THEM5: variants seen among roughly 807,000 people sequenced by gnomAD.
THEM5 encodes the protein thioesterase superfamily member 5.
A neutral mutation model predicts 24.2 loss-of-function variants in THEM5; 28 were observed. That is an observed-to-expected ratio of 1.16 (90% CI 0.86 to 1.59). The LOEUF (loss-of-function observed/expected upper bound fraction) is 1.59. THEM5 is among the 40% of genes most tolerant of loss of function. THEM5 has a pLI of 0.00. For missense variants in THEM5, 260 were observed against 296.8 expected (o/e 0.88, Z 0.91); for synonymous variants, 87 against 114.5 (o/e 0.76, Z 1.53).
Position 151,851,052 on chromosome 1 carries a change from C to G in THEM5, c.464+1G>C. The G allele has an allele frequency of 1.2e-6, 2 of 1,614,134 alleles. No individual in the cohort carries two copies. Among genetic ancestry groups the G allele is most frequent in the Middle Eastern group, 1.6e-4 (1 of 6,062 alleles). ...AGCCAAGGTCCTACCAGTGACCTTA[C>G]CCTGGGGGCCCCTCCAGGTAGGAGC... On this transcript the variant is annotated splice_donor_variant, in intron 3 of 5. Transcript: ENST00000368817. LOFTEE classifies it high-confidence loss of function.
chr1:151,853,266 A>G (rs1475153962), intron 1 of THEM5, among the ~76,000 whole-genome samples, 177 bp downstream of exon 1: 2 of 152,200 alleles, frequency 1.3e-5, no homozygotes, highest in African/African-American at 4.8e-5. Flanking sequence ...TGGTAGTTTT[A>G]GTTTTGAATG....
Position 151,853,607 on chromosome 1 carries a change from T to C in THEM5, c.-42A>G, listed in dbSNP as rs557525184. 1 of 1,579,226 alleles carries C rather than the reference T, an allele frequency of 6.3e-7. No individual in the cohort carries two copies. The highest frequency in any genetic ancestry group is 1.2e-5 in the South Asian group (1 of 85,414). Reference sequence around the variant, plus strand: ...CCAGCCCTGCTTGGATGGAGGGTCTTGGCTGACTCCCAAGGAGTGCTTTCA... The same window carrying C: ...CCAGCCCTGCTTGGATGGAGGGTCTCGGCTGACTCCCAAGGAGTGCTTTCA... On this transcript the variant is annotated 5_prime_UTR_variant, in exon 1 of 6. Coordinates refer to ENST00000368817, the MANE Select transcript of THEM5 (RefSeq NM_182578.4).
intron 5 of THEM5, 89 bp from the exon 6 acceptor site, chr1:151,847,503 C>A: frequency 6.4e-7 from 1 of 1,556,178 alleles, no homozygotes; most frequent in Non-Finnish European, 8.9e-7. Flanking sequence ...TGCAAATTAC[C>A]CATTACCTGG....
At chr1:151,852,219 G>A in intron 2 of THEM5, 39 bp downstream of exon 2, 1 of 1,596,410 alleles carries the variant, frequency 6.3e-7, no homozygotes, top group Middle Eastern at 2.2e-4. Context: ...ACACAGGGAA[G>A]GGCGGCTGGG....
At chr1:151,847,912 A>G (rs774331722) in intron 4 of THEM5, 50 bp from the exon 5 acceptor site, 24 of 1,610,290 alleles carry the variant, frequency 1.5e-5, no homozygotes, top group East Asian at 8.9e-5. Flanking sequence ...CCGGTTCCCC[A>G]TCCCTTCACT....
chr1:151,848,541 C>A (rs1012755221), intron 3 of THEM5, among the ~76,000 whole-genome samples: 1 of 152,238 alleles, frequency 6.6e-6, no homozygotes, highest in African/African-American at 2.4e-5. Flanking sequence ...GCCAATGATA[C>A]AACATTTTAT....
At position 151,851,097 on chromosome 1, in the gene THEM5, C is replaced by T. The variant is rs762789735; in HGVS notation, c.420G>A (p.Ser140=). The part of the protein sequence containing the change: ...VIFFQPTQKK[S]VCLFQPGSYL... The stretch of plus-strand genomic sequence containing the variant: ...AGGAGCCTGGTTGGAAAAGACAGAC[C>T]GACTTCTTCTGGGTTGGCTGGAAAA... The change falls in exon 3 of 6, where the codon TCG becomes TCA. Residue 140 remains serine (S), a synonymous_variant. Coordinates refer to ENST00000368817, the MANE Select transcript of THEM5 (RefSeq NM_182578.4). 2.7e-5 allele frequency: 43 copies of T among 1,614,042 alleles called. No homozygotes were observed. The highest frequency in any genetic ancestry group is 1.1e-4 in the South Asian group (10 of 91,086).
intron 3 of THEM5, among the ~76,000 whole-genome samples, chr1:151,850,837 T>C (rs1304829813): frequency 6.6e-6 from 1 of 152,202 alleles, no homozygotes; most frequent in Non-Finnish European, 1.5e-5. Flanking sequence ...ATTTTGAGAC[T>C]TTGATGAGAA....
chr1:151,853,537 G>T lies in THEM5; in HGVS notation c.29C>A (p.Ala10Glu). The stretch of plus-strand genomic sequence containing the variant: ...AAGGCCTCTGTGGTGGCCAAGTCTT[G>T]CTGCCACCTGGAAGCATCTCCTTAT... Reference protein sequence around the residue: MIRRCFQVAARLGHHRGLLE... With the variant: MIRRCFQVAERLGHHRGLLE... The change falls in exon 1 of 6, where the codon GCA becomes GAA. Residue 10 changes from alanine to glutamate, a missense_variant. Physicochemically the swap from Ala to Glu is moderately radical, Grantham distance 107. Transcript: ENST00000368817. 1 of 1,613,342 alleles carries T rather than the reference G, an allele frequency of 6.2e-7. No individual in the cohort carries two copies. The highest frequency in any genetic ancestry group is 8.5e-7 in the Non-Finnish European group (1 of 1,179,590).
rs201140265 is a variant in THEM5, at chr1:151,853,530, A to G, written c.36T>C (p.Leu12=). The part of the protein sequence containing the change: ...IRRCFQVAAR[L]GHHRGLLEAP... Reference sequence around the variant, plus strand: ...CCTCAAGAAGGCCTCTGTGGTGGCCAAGTCTTGCTGCCACCTGGAAGCATC... The same window carrying G: ...CCTCAAGAAGGCCTCTGTGGTGGCCGAGTCTTGCTGCCACCTGGAAGCATC... The change falls in exon 1 of 6, where the codon CTT becomes CTC. Residue 12 remains leucine (L), a synonymous_variant. Transcript: ENST00000368817. 5.6e-6 allele frequency: 9 copies of G among 1,613,604 alleles called. No individual in the cohort carries two copies. The East Asian group carries it at 2.0e-4, about 36-fold the overall frequency.
chr1:151,847,410 AAC>A lies in THEM5; in HGVS notation c.703_704del (p.Val235PhefsTer97). The A allele has an allele frequency of 6.2e-7, 1 of 1,614,004 alleles. No homozygotes were observed. Among genetic ancestry groups the A allele is most frequent in the Non-Finnish European group, 8.5e-7 (1 of 1,179,990 alleles). On this transcript the variant is annotated frameshift_variant and splice_region_variant, in exon 6 of 6. Coordinates refer to ENST00000368817, the MANE Select transcript of THEM5 (RefSeq NM_182578.4). LOFTEE classifies it high-confidence loss of function. ...QQTVYAKSSG[V>X]FLQLQLEEES... Reference sequence around the variant, plus strand: ...CTTCTTCCAACTGCAGCTGAAGGAAAACACCTGCAAGAGAAGGGTGAGTTGAG... The same window carrying A: ...CTTCTTCCAACTGCAGCTGAAGGAAAACCTGCAAGAGAAGGGTGAGTTGAG...
intron 3 of THEM5, chr1:151,850,218 G>T (rs905241723): frequency 1.8e-4 from 28 of 152,480 alleles, no homozygotes; most frequent in Middle Eastern, 3.4e-3. Flanking sequence ...GCCCTCTCTT[G>T]TCTCTCCCTT....
chr1:151,848,349 C>A (rs1653008153), intron 3 of THEM5, 57 bp from the exon 4 acceptor site: 1 of 1,293,482 alleles, frequency 7.7e-7, no homozygotes, highest in Non-Finnish European at 1.1e-6. Context: ...GGGCAGACCC[C>A]CTCAATGGGC....
chr1:151,853,484 G>C lies in THEM5; in HGVS notation c.82C>G (p.Leu28Val), dbSNP rs1002042962. 2.5e-6 allele frequency: 4 copies of C among 1,613,970 alleles called. No homozygotes were observed. The African/African-American group carries it at 5.3e-5, about 22-fold the overall frequency. Residue 28 changes from leucine to valine, a missense_variant, in exon 1 of 6, where the codon CTC becomes GTC. Transcript: ENST00000368817. ...LLEAPRILPR[L>V]NPASAFGSST... ...GATCCAAATGCTGAGGCAGGGTTGA[G>C]TCTGGGCAGGATACGGGGGGCCTCA...
chr1:151,849,515 A>G (rs1653047446), intron 3 of THEM5, among the ~76,000 whole-genome samples: 1 of 152,178 alleles, frequency 6.6e-6, no homozygotes, highest in South Asian at 2.1e-4. Flanking sequence ...TCCTTGTCCC[A>G]CAGCTCACTA....
chr1:151,853,583 C>G lies in THEM5; in HGVS notation c.-18G>C. ...CTTATCATGGCCAAGTGCAAGGATCCAGCCCTGCTTGGATGGAGGGTCTTG... is the reference window on the plus strand; with the variant it reads ...CTTATCATGGCCAAGTGCAAGGATCGAGCCCTGCTTGGATGGAGGGTCTTG... On this transcript the variant is annotated 5_prime_UTR_variant, in exon 1 of 6. Coordinates refer to ENST00000368817, the MANE Select transcript of THEM5 (RefSeq NM_182578.4). 1 of 1,605,668 alleles carries G rather than the reference C, an allele frequency of 6.2e-7. No individual in the cohort carries two copies. Among genetic ancestry groups the G allele is most frequent in the Non-Finnish European group, 8.5e-7 (1 of 1,175,568 alleles).
Position 151,848,200 on chromosome 1 carries a change from A to T in THEM5, c.557T>A (p.Leu186His), listed in dbSNP as rs758921203. 1 of 1,614,152 alleles carries T rather than the reference A, an allele frequency of 6.2e-7. No homozygotes were observed. Among genetic ancestry groups the T allele is most frequent in the East Asian group, 2.2e-5 (1 of 44,874 alleles). Reference sequence around the variant, plus strand: ...TACTTACTTTTTGAACCTGATGTTGAGACTTAGTGTGAACAGCCCCTCTCC... The same window carrying T: ...TACTTACTTTTTGAACCTGATGTTGTGACTTAGTGTGAACAGCCCCTCTCC... ...LAGEGLFTLS[L>H]NIRFKNLIPV... is the part of the protein sequence containing the mutation. The change falls in exon 4 of 6, where the codon CTC becomes CAC. Residue 186 changes from leucine (L) to histidine (H), a missense_variant. Leu to His is a moderately conservative substitution (Grantham distance 99). Transcript: ENST00000368817.
intron 3 of THEM5, among the ~76,000 whole-genome samples, chr1:151,849,730 C>G (rs918269176): frequency 2.6e-5 from 4 of 152,216 alleles, no homozygotes; most frequent in African/African-American, 4.8e-5. Context: ...AACCAACTCT[C>G]TCCTCCTTGT....
At chr1:151,851,399 A>C (rs1653119273) in intron 2 of THEM5, among the ~76,000 whole-genome samples, 1 of 152,228 alleles carries the variant, frequency 6.6e-6, no homozygotes, top group Non-Finnish European at 1.5e-5. Flanking sequence ...AACATGCAGG[A>C]AGTGCCCTGG....
Sources: allele counts gnomAD v4.1 joint callset (sites outside exome capture counted in the v4.1 genomes callset), GRCh38; gene constraint gnomAD v4.1.1; transcripts MANE v1.5; gene names NCBI Gene and HGNC (gene_info 2026-07-23, HGNC 2026-07-21).